The following RALGPS2 variants were observed in gnomAD, a reference collection of about 807,000 sequenced individuals.
RALGPS2 encodes Ral GEF with PH domain and SH3 binding motif 2, also known as ras-specific guanine nucleotide-releasing factor RalGPS2.
A neutral mutation model predicts 86.8 loss-of-function variants in RALGPS2; 43 were observed. The observed-to-expected ratio is 0.50, with a 90% CI of 0.39 to 0.64. The LOEUF is 0.64. RALGPS2 is among the 30% of genes least tolerant of loss of function. RALGPS2 has a pLI of 0.00. For synonymous variants in RALGPS2, 243 were observed against 231.3 expected, an observed-to-expected ratio of 1.05 and a Z score of -0.46; for missense variants, 536 against 694.6, an observed-to-expected ratio of 0.77 and a Z score of 2.57.
At chr1:178,746,902 C>G (rs1027193122) in intron 1 of RALGPS2, 1 of 1,123,366 alleles carries the variant, frequency 8.9e-7, no homozygotes, top group Admixed American at 1.7e-5. Context: ...CTATTCTGTT[C>G]CTATTGTATT....
intron 8 of RALGPS2, among the ~76,000 whole-genome samples, chr1:178,836,859 GC>G (rs1453577909): frequency 1.3e-5 from 2 of 152,012 alleles, no homozygotes; most frequent in Non-Finnish European, 2.9e-5. Flanking sequence ...GCTCACTGCA[GC>G]TTCAAACTTC....
intron 4 of RALGPS2, among the ~76,000 whole-genome samples, chr1:178,785,989 G>A (rs1179527784): frequency 2.0e-5 from 3 of 152,028 alleles, no homozygotes; most frequent in Admixed American, 1.3e-4. Flanking sequence ...TTTTGTACTC[G>A]GTTCTTACAA....
chr1:178,803,376 A>G (rs1365257899), intron 4 of RALGPS2, among the ~76,000 whole-genome samples: 1 of 152,188 alleles, frequency 6.6e-6, no homozygotes, highest in Admixed American at 6.5e-5. Context: ...CTTTGATTAT[A>G]GCATTAATAT....
chr1:178,746,372 A>G (rs559169292), intron 1 of RALGPS2, among the ~76,000 whole-genome samples: 2 of 152,338 alleles, frequency 1.3e-5, no homozygotes, highest in African/African-American at 2.4e-5. Flanking sequence ...AATGCTGCCA[A>G]AAAGTATAAA....
chr1:178,852,989 A>G (rs201219967), intron 8 of RALGPS2: 1 of 1,569,816 alleles, frequency 6.4e-7, no homozygotes, highest in African/African-American at 1.4e-5. Flanking sequence ...TGCATAAATA[A>G]GTATAGAGAT....
chr1:178,920,295 A>G lies in RALGPS2; in HGVS notation c.*3936A>G, dbSNP rs944069287. ...GGGTTCTAATGAAAGAGATCCAGGC[A>G]TAAAAACTCTTTTGCTTATTGAAAG... On this transcript the variant is annotated 3_prime_UTR_variant, in exon 20 of 20. Coordinates refer to ENST00000367635, the MANE Select transcript of RALGPS2 (RefSeq NM_152663.5). The G allele has an allele frequency of 6.6e-6, 1 of 152,010 alleles. No homozygotes were observed. Among genetic ancestry groups the G allele is most frequent in the African/African-American group, 2.4e-5 (1 of 41,428 alleles). The allele number at this position is 152,010 out of a possible 1,614,324, so 9.4% of individuals were successfully genotyped here.
intron 1 of RALGPS2, among the ~76,000 whole-genome samples, chr1:178,776,077 G>C (rs1653068467): frequency 6.6e-6 from 1 of 152,144 alleles, no homozygotes; most frequent in African/African-American, 2.4e-5. Context: ...AAGTATACAA[G>C]AGGATGTGTA....
chr1:178,732,710 C>T (rs1049394234), intron 1 of RALGPS2, among the ~76,000 whole-genome samples: 4 of 150,950 alleles, frequency 2.6e-5, no homozygotes, highest in Non-Finnish European at 5.9e-5. Context: ...TTAAGAAATG[C>T]TTTGTCATAC....
intron 8 of RALGPS2, among the ~76,000 whole-genome samples, chr1:178,875,545 C>T (rs1026124472): frequency 2.0e-5 from 3 of 151,774 alleles, no homozygotes; most frequent in Non-Finnish European, 2.9e-5. Flanking sequence ...ACCAGGAGTT[C>T]GAGACCAGCC....
chr1:178,853,226 T>C, intron 8 of RALGPS2: 1 of 984,900 alleles, frequency 1.0e-6, no homozygotes, highest in Non-Finnish European at 1.2e-6. Context: ...ATAAAATTTA[T>C]CCATAGCTAC....
At chr1:178,792,549 C>G (rs1654005019) in intron 4 of RALGPS2, among the ~76,000 whole-genome samples, 1 of 152,150 alleles carries the variant, frequency 6.6e-6, no homozygotes, top group South Asian at 2.1e-4. Flanking sequence ...GTTGTTGGGA[C>G]TGAGATTGGT....
chr1:178,769,241 G>C (rs1652663502), intron 1 of RALGPS2, among the ~76,000 whole-genome samples: 4 of 150,074 alleles, frequency 2.7e-5, no homozygotes, highest in Admixed American at 2.7e-4. Flanking sequence ...TGAGTGCTTT[G>C]AATGCCTGGA....
intron 1 of RALGPS2, among the ~76,000 whole-genome samples, chr1:178,749,588 T>A (rs1386769708): frequency 6.6e-6 from 1 of 152,188 alleles, no homozygotes; most frequent in Non-Finnish European, 1.5e-5. Context: ...TGGCCCCTAA[T>A]ATGTTGCTTT....
intron 4 of RALGPS2, among the ~76,000 whole-genome samples, chr1:178,789,447 A>G (rs1193514811): frequency 6.6e-6 from 1 of 152,246 alleles, no homozygotes; most frequent in Non-Finnish European, 1.5e-5. Context: ...TCTGGGATGA[A>G]AAATTATTAT....
intron 1 of RALGPS2, among the ~76,000 whole-genome samples, chr1:178,741,682 A>C (rs1651033272): frequency 6.6e-6 from 1 of 152,226 alleles, no homozygotes. Context: ...AGAAGCCAAC[A>C]AAGGAGATAA....
intron 1 of RALGPS2, chr1:178,753,765 A>T (rs1048522541): frequency 1.3e-5 from 2 of 152,126 alleles, no homozygotes; most frequent in African/African-American, 4.8e-5. Flanking sequence ...TTATAACAGT[A>T]CCTGCATTAG....
In RALGPS2 at chr1:178,833,484, G is replaced by GATA; in HGVS notation, c.543_545dup (p.Asn182dup). 1 of 1,531,886 alleles carries GATA rather than the reference G, an allele frequency of 6.5e-7. No homozygotes were observed. Among genetic ancestry groups the GATA allele is most frequent in the Non-Finnish European group, 8.7e-7 (1 of 1,151,684 alleles). The allele number at this position is 1,531,886 out of a possible 1,614,324, so 94.9% of individuals were successfully genotyped here. On this transcript the variant is annotated inframe_insertion, in exon 8 of 20. Transcript: ENST00000367635. The stretch of plus-strand genomic sequence containing the variant: ...ATTAGAATATGTAATGAGTAAAGAA[G>GATA]ATAACTACAAAAGACTCAGAGACTA...
intron 1 of RALGPS2, among the ~76,000 whole-genome samples, chr1:178,771,298 C>T (rs1257138537): frequency 2.6e-5 from 4 of 152,188 alleles, no homozygotes; most frequent in Non-Finnish European, 5.9e-5. Flanking sequence ...CTTGAGTTTC[C>T]TTTAAATTGT....
chr1:178,756,036 T>C (rs1651942588), intron 1 of RALGPS2, among the ~76,000 whole-genome samples: 1 of 152,220 alleles, frequency 6.6e-6, no homozygotes, highest in African/African-American at 2.4e-5. Flanking sequence ...GCTTGTTCAA[T>C]TGTTTACATT....
Sources: gnomAD v4.1 joint callset for allele counts (sites outside exome capture counted in the v4.1 genomes callset) on GRCh38, gnomAD v4.1.1 for gene constraint, MANE v1.5 for transcripts, NCBI Gene and HGNC (gene_info 2026-07-23, HGNC 2026-07-21) for gene names.